SLCO1C1: variants seen among roughly 807,000 people sequenced by gnomAD.
SLCO1C1 encodes OAT-RP-5.
A neutral mutation model predicts 76.4 loss-of-function variants in SLCO1C1; 70 were observed. The ratio of observed to expected loss-of-function variants is 0.92; its 90% CI spans 0.76 to 1.12. The LOEUF is 1.12. Among genes scored for constraint, SLCO1C1 ranks in the 50% most tolerant of loss-of-function variants. SLCO1C1 has a pLI of 0.00. For synonymous variants in SLCO1C1, 306 were observed against 286.1 expected, an observed-to-expected ratio of 1.07 and a Z score of -0.70; for missense variants, 912 against 823.8, an observed-to-expected ratio of 1.11 and a Z score of -1.31.
At chr12:20,705,151 T>G (rs968289080) in intron 3 of SLCO1C1, among the ~76,000 whole-genome samples, 1 of 151,946 alleles carries the variant, frequency 6.6e-6, no homozygotes, top group African/African-American at 2.4e-5. Context: ...GTTTAATCAC[T>G]TATCACCATC....
intron 9 of SLCO1C1, among the ~76,000 whole-genome samples, chr12:20,726,761 G>T (rs139561436): frequency 1.3e-5 from 2 of 152,164 alleles, no homozygotes; most frequent in South Asian, 2.1e-4. Flanking sequence ...TGTTACAAAG[G>T]TATATTGCAT....
chr12:20,752,421 A>G lies in SLCO1C1; in HGVS notation c.2032A>G (p.Lys678Glu), dbSNP rs751923615. 7 of 1,613,526 alleles carry G rather than the reference A, an allele frequency of 4.3e-6. No individual in the cohort carries two copies. The African/African-American group carries it at 5.3e-5, about 12-fold the overall frequency. ...YVSKHRSFIT[K>E]RERTMVSTRF... ...TTCAAAACACAGAAGTTTTATAACC[A>G]AGAGAGAAAGAACAATGGTGTCTAC... The change falls in exon 15 of 15, where the codon AAG (lysine) becomes GAG (glutamate). Residue 678 changes from lysine (K) to glutamate (E), a missense_variant. Transcript: ENST00000266509.
intron 11 of SLCO1C1, among the ~76,000 whole-genome samples, chr12:20,737,764 A>C (rs1333047415): frequency 2.0e-5 from 3 of 152,072 alleles, no homozygotes; most frequent in Non-Finnish European, 4.4e-5. Flanking sequence ...AAATCAAGCC[A>C]ATTTGTATAA....
chr12:20,715,927 TATTG>T (rs1947342060), intron 6 of SLCO1C1, among the ~76,000 whole-genome samples: 1 of 152,172 alleles, frequency 6.6e-6, no homozygotes, highest in Admixed American at 6.5e-5. Context: ...AAACAGCATT[TATTG>T]GTTTCCTCTG....
chr12:20,733,100 C>A lies in SLCO1C1; in HGVS notation c.1378C>A (p.Gln460Lys). 6.4e-7 allele frequency: 1 copy of A among 1,571,538 alleles called. No homozygotes were observed. The highest frequency in any genetic ancestry group is 8.6e-7 in the Non-Finnish European group (1 of 1,163,050). Residue 460 changes from glutamine to lysine, a missense_variant, in exon 10 of 15, where the codon CAA becomes AAA. Coordinates refer to ENST00000266509, the MANE Select transcript of SLCO1C1 (RefSeq NM_017435.5). Reference sequence around the variant, plus strand: ...TGTGGCAGGACTAACTGTCTCCTACCAAGGGTATGTTCCCTCATTAAATAG... The same window carrying A: ...TGTGGCAGGACTAACTGTCTCCTACAAAGGGTATGTTCCCTCATTAAATAG... ...SDVAGLTVSY[Q>K]GTKPVSYHER...
At position 20,737,198 on chromosome 12, in the gene SLCO1C1, G is replaced by T; in HGVS notation, c.1474G>T (p.Gly492Cys). The change falls in exon 11 of 15, where the codon GGT becomes TGT. Residue 492 changes from glycine (G) to cysteine (C), a missense_variant. Physicochemically the swap from Gly to Cys is radical, Grantham distance 159. Coordinates refer to ENST00000266509, the MANE Select transcript of SLCO1C1 (RefSeq NM_017435.5). ...CSETKWEPMCGENGITYVSAC... is the reference protein window; with the variant it reads ...CSETKWEPMCCENGITYVSAC... ...AGAGACAAAATGGGAACCCATGTGCGGTGAAAATGGAATCACATATGTATC... is the reference window on the plus strand; with the variant it reads ...AGAGACAAAATGGGAACCCATGTGCTGTGAAAATGGAATCACATATGTATC... 6.4e-7 allele frequency: 1 copy of T among 1,569,268 alleles called. No homozygotes were observed. The highest frequency in any genetic ancestry group is 8.6e-7 in the Non-Finnish European group (1 of 1,164,276).
chr12:20,737,333 C>T (rs1231066089), intron 11 of SLCO1C1, 61 bp downstream of exon 11: 13 of 1,485,832 alleles, frequency 8.7e-6, no homozygotes, highest in Middle Eastern at 1.8e-4. Context: ...CAACAAAACT[C>T]TATGGGGGCT....
At chr12:20,733,472 A>C (rs2120832066) in intron 10 of SLCO1C1, among the ~76,000 whole-genome samples, 1 of 152,334 alleles carries the variant, frequency 6.6e-6, no homozygotes, top group South Asian at 2.1e-4. Context: ...CATCTTAAAA[A>C]CAGAAGTAAT....
intron 5 of SLCO1C1, among the ~76,000 whole-genome samples, chr12:20,712,370 G>T (rs926741023): frequency 1.5e-4 from 23 of 152,142 alleles, no homozygotes; most frequent in African/African-American, 4.6e-4. Context: ...GACTGAAGTA[G>T]AGTCTTGCCT....
rs753136536 is a variant in SLCO1C1, at chr12:20,711,453, T to C, written c.472T>C (p.Ser158Pro). Residue 158 changes from serine to proline, a missense_variant, in exon 5 of 15, where the codon TCA becomes CCA. By Grantham distance (74) the Ser-to-Pro change is moderately conservative (BLOSUM62 -1). Transcript: ENST00000266509. ...TLSISPCLLESSSQLPVSVME... is the reference protein window; with the variant it reads ...TLSISPCLLEPSSQLPVSVME... The stretch of plus-strand genomic sequence containing the variant: ...CAGCATCTCTCCGTGTCTCCTAGAG[T>C]CAAGCAGTCAATTACCAGTTTCAGT... The C allele has an allele frequency of 3.1e-6, 5 of 1,613,818 alleles. No individual in the cohort carries two copies. In the Admixed American group the frequency reaches 6.7e-5, roughly 22 times the overall value.
In SLCO1C1 at chr12:20,721,923, T is replaced by G; in HGVS notation, c.895T>G (p.Leu299Val). Residue 299 changes from leucine (L) to valine (V), a missense_variant, in exon 8 of 15, where the codon TTA becomes GTA. Leu to Val is a conservative substitution (Grantham distance 32). Transcript: ENST00000266509. The stretch of plus-strand genomic sequence containing the variant: ...GCCTTTCTGGTATTTACCAAAGAGT[T>G]TACCAAGATCCCAAAGTAGAGAGGA... Reference protein sequence around the residue: ...AVPFWYLPKSLPRSQSREDSN... With the variant: ...AVPFWYLPKSVPRSQSREDSN... 1 of 1,614,124 alleles carries G rather than the reference T, an allele frequency of 6.2e-7. No homozygotes were observed. The highest frequency in any genetic ancestry group is 8.5e-7 in the Non-Finnish European group (1 of 1,180,008).
intron 3 of SLCO1C1, among the ~76,000 whole-genome samples, chr12:20,701,735 G>C (rs1180223345): frequency 6.6e-6 from 1 of 151,804 alleles, no homozygotes; most frequent in East Asian, 1.9e-4. Flanking sequence ...TTGGAGGAAA[G>C]GGTGAGATGC....
At chr12:20,736,573 A>T (rs1051295926) in intron 10 of SLCO1C1, among the ~76,000 whole-genome samples, 1 of 152,168 alleles carries the variant, frequency 6.6e-6, no homozygotes, top group African/African-American at 2.4e-5. Context: ...GGTTACACAC[A>T]TGCAAGAGGA....
At position 20,721,803 on chromosome 12, in the gene SLCO1C1, G is replaced by A. The variant is rs771694371; in HGVS notation, c.776-1G>A. 1 of 1,613,790 alleles carries A rather than the reference G, an allele frequency of 6.2e-7. No individual in the cohort carries two copies. The highest frequency in any genetic ancestry group is 8.5e-7 in the Non-Finnish European group (1 of 1,179,872). ...ACTTAGCCATCCCCTCTGTCTTTCA[G>A]ATCACATAACCATTACCCCAAAAGA... is the stretch of plus-strand genomic sequence containing the variant. On this transcript the variant is annotated splice_acceptor_variant, in intron 7 of 14. Coordinates refer to ENST00000266509, the MANE Select transcript of SLCO1C1 (RefSeq NM_017435.5). LOFTEE classifies it high-confidence loss of function.
At chr12:20,750,362 C>G (rs760917287) in intron 13 of SLCO1C1, among the ~76,000 whole-genome samples, 7 of 152,100 alleles carry the variant, frequency 4.6e-5, no homozygotes, top group Non-Finnish European at 7.4e-5. Context: ...TGATAACTCA[C>G]AAGTCTGCTT....
chr12:20,715,390 T>C lies in SLCO1C1; in HGVS notation c.676+105T>C, dbSNP rs1592252516. The C allele has an allele frequency of 5.6e-6, 7 of 1,260,744 alleles. No individual in the cohort carries two copies. In the East Asian group the frequency reaches 9.4e-5, roughly 17 times the overall value. The allele number at this position is 1,260,744 out of a possible 1,614,324, so 78.1% of individuals were successfully genotyped here. A position where few individuals can be genotyped will look rare whatever the true frequency, so the allele number is the denominator to read the frequency against. On this transcript the variant is annotated intron_variant, in intron 6 of 14. Coordinates refer to ENST00000266509, the MANE Select transcript of SLCO1C1 (RefSeq NM_017435.5). ...AAGTGGGGAAGCTTTTTATACTTCA[T>C]ATCCAACTCCTTTATTTAGCTCACA...
At chr12:20,704,850 G>A (rs1384367069) in intron 3 of SLCO1C1, among the ~76,000 whole-genome samples, 1 of 151,816 alleles carries the variant, frequency 6.6e-6, no homozygotes, top group Non-Finnish European at 1.5e-5. Context: ...TATTTAGCAT[G>A]GTACATCTTA....
intron 9 of SLCO1C1, among the ~76,000 whole-genome samples, chr12:20,732,208 G>A (rs1948310945): frequency 6.6e-6 from 1 of 152,156 alleles, no homozygotes; most frequent in Admixed American, 6.5e-5. Flanking sequence ...CTGAAGGAGA[G>A]GCAACATAGC....
intron 8 of SLCO1C1, 64 bp from the exon 9 acceptor site, chr12:20,723,026 C>T (rs563546037): frequency 1.0e-4 from 151 of 1,443,778 alleles, no homozygotes; most frequent in African/African-American, 1.0e-3. Context: ...CCTGCCAGCA[C>T]GGCTACTTCT....
Sources: gnomAD v4.1 joint callset for allele counts (sites outside exome capture counted in the v4.1 genomes callset) on GRCh38, gnomAD v4.1.1 for gene constraint, MANE v1.5 for transcripts, NCBI Gene and HGNC (gene_info 2026-07-23, HGNC 2026-07-21) for gene names.